Variants in RNF216 observed in about 807,000 individuals in gnomAD.
The protein encoded by RNF216 is ring finger protein 216.
RNF216 carries 72 observed loss-of-function variants against 110.8 expected under a neutral mutation model. The ratio of observed to expected loss-of-function variants is 0.65; its 90% confidence interval spans 0.54 to 0.79. The LOEUF is 0.79. Ranked by LOEUF, RNF216 falls within the 30% of genes least tolerant of loss-of-function variation. RNF216 has a pLI of 0.00. For synonymous variants in RNF216, 495 were observed against 407.5 expected (o/e 1.21, Z -2.59); for missense variants, 1,342 against 1,141.2 (o/e 1.18, Z -2.54).
At chr7:5,765,478 T>TA (rs1796155279) in intron 1 of RNF216, among the ~76,000 whole-genome samples, 3 of 150,676 alleles carry the variant, frequency 2.0e-5, no homozygotes, top group Admixed American at 2.0e-4. Context: ...AATAAAAAAA[T>TA]AAAAAATAAG....
At chr7:5,703,574 A>G (rs79503824) in intron 13 of RNF216, among the ~76,000 whole-genome samples, 2,420 of 152,348 alleles carry the variant, frequency 0.016, 58 homozygotes, top group East Asian at 0.073. Context: ...CAAATGCTAC[A>G]AAGAATAGGA....
intron 15 of RNF216, among the ~76,000 whole-genome samples, chr7:5,627,260 G>A (rs1786768111): frequency 1.3e-5 from 2 of 152,206 alleles, no homozygotes; most frequent in Non-Finnish European, 2.9e-5. Context: ...GAAATCCACA[G>A]AAAAGATATC....
intron 14 of RNF216, among the ~76,000 whole-genome samples, chr7:5,648,058 T>C (rs1788155933): frequency 6.6e-6 from 1 of 152,088 alleles, no homozygotes; most frequent in Non-Finnish European, 1.5e-5. Flanking sequence ...ACCTGTGAAA[T>C]GTTCTCACCA....
intron 13 of RNF216, among the ~76,000 whole-genome samples, chr7:5,705,952 CAAA>C (rs1175090106): frequency 6.0e-5 from 9 of 150,146 alleles, no homozygotes; most frequent in African/African-American, 2.0e-4. Context: ...CAAAACAAAA[CAAA>C]ACAAAACAAA....
At chr7:5,740,892 T>TC in intron 4 of RNF216, 81 bp downstream of exon 4, 3 of 1,393,186 alleles carry the variant, frequency 2.2e-6, no homozygotes, top group Non-Finnish European at 2.9e-6. Context: ...ACCAACAACT[T>TC]TTTTTTTTGC....
In RNF216 at chr7:5,741,439, G is replaced by C; in HGVS notation, c.578C>G (p.Pro193Arg). Residue 193 changes from proline to arginine, a missense_variant, in exon 4 of 17, where the codon CCT (proline) becomes CGT (arginine). Transcript: ENST00000389902. Reference sequence around the variant, plus strand: ...GGATGACTGGTTCTGAGTTTCCAAAGGATCGCTTTCTGTGTAAAGAAGGCT... The same window carrying C: ...GGATGACTGGTTCTGAGTTTCCAAACGATCGCTTTCTGTGTAAAGAAGGCT... ...EGSLLYTESD[P>R]LETQNQSSED... 6.2e-7 allele frequency: 1 copy of C among 1,614,152 alleles called. No homozygotes were observed. Among genetic ancestry groups the C allele is most frequent in the African/African-American group, 1.3e-5 (1 of 75,032 alleles).
At chr7:5,668,859 C>A (rs1789708862) in intron 13 of RNF216, among the ~76,000 whole-genome samples, 1 of 152,146 alleles carries the variant, frequency 6.6e-6, no homozygotes, top group Non-Finnish European at 1.5e-5. Context: ...CATATCTTTA[C>A]TACGGGAAAT....
intron 5 of RNF216, among the ~76,000 whole-genome samples, chr7:5,736,033 C>T (rs1438366687): frequency 6.6e-6 from 1 of 152,214 alleles, no homozygotes; most frequent in East Asian, 1.9e-4. Flanking sequence ...ATGGAGGCTG[C>T]AGTGAGCTGA....
At chr7:5,737,547 A>G (rs1292890773) in intron 5 of RNF216, among the ~76,000 whole-genome samples, 1 of 144,636 alleles carries the variant, frequency 6.9e-6, no homozygotes, top group Admixed American at 6.9e-5. Context: ...TAATAATAAT[A>G]AATAAATAAA....
At chr7:5,656,434 G>T (rs1029627737) in intron 13 of RNF216, among the ~76,000 whole-genome samples, 5 of 152,210 alleles carry the variant, frequency 3.3e-5, no homozygotes, top group Non-Finnish European at 7.3e-5. Flanking sequence ...AAAACATGAA[G>T]AACAGGGTAT....
intron 13 of RNF216, among the ~76,000 whole-genome samples, chr7:5,705,833 G>A (rs953251044): frequency 1.3e-5 from 2 of 151,888 alleles, no homozygotes; most frequent in African/African-American, 4.8e-5. Flanking sequence ...CTTGAACCTG[G>A]GAGGCGGAGG....
intron 13 of RNF216, among the ~76,000 whole-genome samples, chr7:5,660,942 G>GGTTT (rs1562799881): frequency 8.3e-6 from 1 of 120,986 alleles, no homozygotes; most frequent in Non-Finnish European, 1.6e-5. Context: ...TGAAGCCTTA[G>GGTTT]GTTTTTTTTT....
intron 3 of RNF216, among the ~76,000 whole-genome samples, chr7:5,750,457 T>A (rs1372866192): frequency 6.6e-6 from 1 of 152,220 alleles, no homozygotes; most frequent in Non-Finnish European, 1.5e-5. Flanking sequence ...TGGGAGTGAC[T>A]TAGAGAGGAA....
At chr7:5,705,559 C>T (rs144145669) in intron 13 of RNF216, among the ~76,000 whole-genome samples, 1 of 152,156 alleles carries the variant, frequency 6.6e-6, no homozygotes, top group Non-Finnish European at 1.5e-5. Flanking sequence ...TTTGTTCTCA[C>T]TCATGCTGCA....
At chr7:5,625,622 T>C (rs1261589727) in intron 15 of RNF216, among the ~76,000 whole-genome samples, 2 of 152,250 alleles carry the variant, frequency 1.3e-5, no homozygotes, top group Non-Finnish European at 2.9e-5. Flanking sequence ...CAATTGTTTG[T>C]GAACCGCAAG....
chr7:5,780,278 TGG>T (rs1797008686), intron 1 of RNF216: 1 of 152,176 alleles, frequency 6.6e-6, no homozygotes, highest in Non-Finnish European at 1.5e-5. Flanking sequence ...CTGGCCAGGC[TGG>T]AGCCAGGTGC....
At chr7:5,706,665 T>C (rs955016620) in intron 13 of RNF216, among the ~76,000 whole-genome samples, 5 of 152,250 alleles carry the variant, frequency 3.3e-5, no homozygotes, top group Non-Finnish European at 5.9e-5. Context: ...CTGTGAATAA[T>C]GCTGCAATGA....
intron 3 of RNF216, among the ~76,000 whole-genome samples, chr7:5,749,980 C>CAA (rs1329903574): frequency 6.6e-6 from 1 of 152,078 alleles, no homozygotes; most frequent in African/African-American, 2.4e-5. Context: ...TAGCTTATAG[C>CAA]AATTTGGTAT....
At chr7:5,719,087 G>A (rs1180428805) in intron 9 of RNF216, among the ~76,000 whole-genome samples, 1 of 152,068 alleles carries the variant, frequency 6.6e-6, no homozygotes, top group Admixed American at 6.5e-5. Flanking sequence ...TAGCATCAGA[G>A]AAAAGAAAGT....
Sources: allele counts gnomAD v4.1 joint callset (sites outside exome capture counted in the v4.1 genomes callset), GRCh38; gene constraint gnomAD v4.1.1; transcripts MANE v1.5; gene names NCBI Gene and HGNC (gene_info 2026-07-23, HGNC 2026-07-21).